CHRD: variants seen among roughly 807,000 people sequenced by gnomAD.
CHRD encodes chordin.
Under a neutral mutation model 113.7 loss-of-function variants are expected in CHRD, and 69 were observed. The ratio of observed to expected loss-of-function variants is 0.61; its 90% CI spans 0.50 to 0.74. The LOEUF (loss-of-function observed/expected upper bound fraction) is 0.74, where lower values mean the gene tolerates loss of function less well. Ranked by LOEUF, CHRD falls within the 30% of genes least tolerant of loss-of-function variation. CHRD has a pLI of 0.00. For synonymous variants in CHRD, 561 were observed against 540.8 expected (o/e 1.04, Z -0.52); for missense variants, 1,194 against 1,295.8 (o/e 0.92, Z 1.21).
chr3:184,384,893 G>A lies in CHRD; in HGVS notation c.1598-125G>A, dbSNP rs145035245. 4.0e-5 allele frequency: 49 copies of A among 1,236,842 alleles called. No individual in the cohort carries two copies. The East Asian group carries it at 1.0e-3, about 26-fold the overall frequency. The allele number at this position is 1,236,842 out of a possible 1,614,324, so 76.6% of individuals were successfully genotyped here. ...GGGTCTAAAACTTGCTGCTCTCCAG[G>A]CCCTGGACCTATGGACAGTGTCTTC... On this transcript the variant is annotated intron_variant, in intron 13 of 22. Transcript: ENST00000204604. This position sits in a 1 kb window ranked among gnomAD's most constrained non-coding sequence, Gnocchi z 4.4.
Position 184,387,121 on chromosome 3 carries a change from G to A in CHRD, c.2347+14G>A. The stretch of plus-strand genomic sequence containing the variant: ...ACCCAGGAGAGGGTGAGCTGGAAGG[G>A]TGCGTGCAGGGTGGGAGGCCCCAGA... On this transcript the variant is annotated intron_variant, in intron 18 of 22. Coordinates refer to ENST00000204604, the Ensembl canonical transcript of CHRD. The surrounding 1 kb of genome is among the most constrained non-coding windows in gnomAD (Gnocchi z 6.1). 1 of 1,613,082 alleles carries A rather than the reference G, an allele frequency of 6.2e-7. No homozygotes were observed. The highest frequency in any genetic ancestry group is 2.2e-5 in the East Asian group (1 of 44,870).
At chr3:184,385,293 G>A (rs1716108873) in intron 14 of CHRD, 55 bp downstream of exon 14, 2 of 1,312,174 alleles carry the variant, frequency 1.5e-6, no homozygotes, top group Non-Finnish European at 2.2e-6. Flanking sequence ...TTAGCTTGAA[G>A]GGCTGTGTGG....
rs1491553658 is a variant in CHRD at position 184,388,386 on chromosome 3, TGC to T, written c.2555-200_2555-199del. On this transcript the variant is annotated intron_variant, in intron 20 of 22. Transcript: ENST00000204604. The surrounding 1 kb of genome is among the most constrained non-coding windows in gnomAD (Gnocchi z 6.1). Reference sequence around the variant, plus strand: ...ATCCATCCACCCATCCACCCATTGATGCATCCATCCATCCATCCATCCATCCA... The same window carrying T: ...ATCCATCCACCCATCCACCCATTGATATCCATCCATCCATCCATCCATCCA... 7.4e-6 allele frequency among the ~76,000 whole-genome samples: 1 copy of T among 134,774 alleles called. No individual in the cohort carries two copies. Among genetic ancestry groups the T allele is most frequent in the Non-Finnish European group, 1.6e-5 (1 of 63,370 alleles). The allele number at this position is 134,774 out of a possible 152,430, so 88.4% of individuals were successfully genotyped here. A position where few individuals can be genotyped will look rare whatever the true frequency, so the allele number is the denominator to read the frequency against.
chr3:184,381,794 G>A lies in CHRD; in HGVS notation c.590G>A (p.Arg197His). Reference sequence around the variant, plus strand: ...GTCTCGCTGCTGCGCTCTAGCCTCCGCTTCTCTATCTCCTACAGGCGGTGA... The same window carrying A: ...GTCTCGCTGCTGCGCTCTAGCCTCCACTTCTCTATCTCCTACAGGCGGTGA... Residue 197 changes from arginine to histidine, a missense_variant, in exon 5 of 23, where the codon CGC becomes CAC. Transcript: ENST00000204604. The surrounding 1 kb of genome is among the most constrained non-coding windows in gnomAD (Gnocchi z 4.7). The A allele has an allele frequency of 6.2e-7, 1 of 1,613,340 alleles. No homozygotes were observed. Among genetic ancestry groups the A allele is most frequent in the African/African-American group, 1.3e-5 (1 of 75,062 alleles).
chr3:184,382,705 C>G (rs368929634), exon 8 of CHRD: 1 of 1,613,978 alleles, frequency 6.2e-7, no homozygotes, highest in Non-Finnish European at 8.5e-7. Context: ...CCTGCTCACT[C>G]TCAGTGACAC....
In CHRD at chr3:184,387,592, G is replaced by C; in HGVS notation, c.2451+115G>C. 1 of 1,006,326 alleles carries C rather than the reference G, an allele frequency of 9.9e-7. No homozygotes were observed. Among genetic ancestry groups the C allele is most frequent in the Non-Finnish European group, 1.4e-6 (1 of 702,866 alleles). The allele number at this position is 1,006,326 out of a possible 1,614,324, so 62.3% of individuals were successfully genotyped here. ...GTGAGGAGGGCTCAAGAATCAAAAC[G>C]ATATGAGAAAAGGCCCTTGCGCTCT... is the stretch of plus-strand genomic sequence containing the variant. On this transcript the variant is annotated intron_variant, in intron 19 of 22. Transcript: ENST00000204604. The surrounding 1 kb of genome is among the most constrained non-coding windows in gnomAD (Gnocchi z 6.1).
rs1280654048 is a variant in CHRD, at chr3:184,384,168, G to A, written c.1441-369G>A. 6.6e-6 allele frequency among the ~76,000 whole-genome samples: 1 copy of A among 152,190 alleles called. No individual in the cohort carries two copies. The highest frequency in any genetic ancestry group is 1.5e-5 in the Non-Finnish European group (1 of 68,022). ...TGCTTAGCAAGCTCACAGTCAAATG[G>A]GAGCATTGGACCTGGAGAACAGTGC... On this transcript the variant is annotated intron_variant, in intron 12 of 22. Transcript: ENST00000204604. This position sits in a 1 kb window ranked among gnomAD's most constrained non-coding sequence, Gnocchi z 4.4.
In CHRD at chr3:184,388,429, A is replaced by ATCCATCCATCCATCCG. The variant is rs1481346086; in HGVS notation, c.2555-155_2555-154insATCCATCCATCCGTCC. Reference sequence around the variant, plus strand: ...CATCCATCCATCCATCCATCCATCCATCCGTCCCTTCATCCATCCATTCAT... The same window carrying ATCCATCCATCCATCCG: ...CATCCATCCATCCATCCATCCATCCATCCATCCATCCATCCGTCCGTCCCTTCATCCATCCATTCAT... On this transcript the variant is annotated intron_variant, in intron 20 of 22. Coordinates refer to ENST00000204604, the Ensembl canonical transcript of CHRD. This position sits in a 1 kb window ranked among gnomAD's most constrained non-coding sequence, Gnocchi z 6.1. Among the ~76,000 whole-genome samples the ATCCATCCATCCATCCG allele has an allele frequency of 6.7e-6, 1 of 149,006 alleles. No homozygotes were observed. The highest frequency in any genetic ancestry group is 2.6e-5 in the African/African-American group (1 of 39,052).
At position 184,388,510 on chromosome 3, in the gene CHRD, G is replaced by A; in HGVS notation, c.2555-77G>A. The A allele has an allele frequency of 6.7e-7, 1 of 1,495,468 alleles. No homozygotes were observed. Among genetic ancestry groups the A allele is most frequent in the Non-Finnish European group, 9.0e-7 (1 of 1,116,100 alleles). 92.6% of individuals were successfully genotyped at this position (1,495,468 alleles called of 1,614,324 possible). Reference sequence around the variant, plus strand: ...TACTAAGTGCCAGAAACTGCAACGTGCTGGGTATTCAAAGAGAATACTCAT... The same window carrying A: ...TACTAAGTGCCAGAAACTGCAACGTACTGGGTATTCAAAGAGAATACTCAT... On this transcript the variant is annotated intron_variant, in intron 20 of 22. Transcript: ENST00000204604. This position sits in a 1 kb window ranked among gnomAD's most constrained non-coding sequence, Gnocchi z 6.1.
chr3:184,381,748 C>G lies in CHRD; in HGVS notation c.544C>G (p.Gln182Glu), dbSNP rs1715465535. The G allele has an allele frequency of 6.2e-7, 1 of 1,613,012 alleles. No individual in the cohort carries two copies. Among genetic ancestry groups the G allele is most frequent in the South Asian group, 1.1e-5 (1 of 91,068 alleles). ...GGCGCTGCTGACAGGGCCGAGGTCG[C>G]AGGCGGTGGCACGAGCCCGAGTCTC... The change falls in exon 5 of 23, where the codon CAG (glutamine) becomes GAG (glutamate). Residue 182 changes from glutamine (Q) to glutamate (E), a missense_variant. Coordinates refer to ENST00000204604, the Ensembl canonical transcript of CHRD. This position sits in a 1 kb window ranked among gnomAD's most constrained non-coding sequence, Gnocchi z 4.7.
rs149507891 is a variant in CHRD at position 184,385,018 on chromosome 3, C to A, written c.1598C>A (p.Thr533Lys). The change falls in exon 14 of 23, where the codon ACG (threonine) becomes AAG (lysine). Residue 533 changes from threonine to lysine, a missense_variant and splice_region_variant. Physicochemically the swap from Thr to Lys is moderately conservative, Grantham distance 78 (BLOSUM62 -1). Transcript: ENST00000204604. ...TCATCTCTCCTCTGTCTGGACCCAG[C>A]GCTGCCCGTGCCCCTAGCAGGAGCC... The A allele has an allele frequency of 1.9e-6, 3 of 1,613,510 alleles. No individual in the cohort carries two copies. The highest frequency in any genetic ancestry group is 2.7e-5 in the African/African-American group (2 of 74,922).
intron 12 of CHRD, 63 bp downstream of exon 12, chr3:184,383,705 G>A (rs781614312): frequency 8.1e-6 from 12 of 1,487,092 alleles, no homozygotes; most frequent in Non-Finnish European, 9.1e-6. Context: ...AAGCCAGGTT[G>A]GATGAGCAGG....
In CHRD at chr3:184,381,940, C is replaced by G. The variant is rs539389142; in HGVS notation, c.619C>G (p.Arg207Gly). Reference sequence around the variant, plus strand: ...CCGACCTCTCATTCCCAGGCTGGACCGCCCTACCAGGATCCGCTTCTCAGA... The same window carrying G: ...CCGACCTCTCATTCCCAGGCTGGACGGCCCTACCAGGATCCGCTTCTCAGA... The change falls in exon 6 of 23, where the codon CGC (arginine) becomes GGC (glycine). Residue 207 changes from arginine (R) to glycine (G), a missense_variant. Transcript: ENST00000204604. This position sits in a 1 kb window ranked among gnomAD's most constrained non-coding sequence, Gnocchi z 4.7. 16 of 1,614,118 alleles carry G rather than the reference C, an allele frequency of 9.9e-6. No homozygotes were observed. The East Asian group carries it at 1.6e-4, about 16-fold the overall frequency.
chr3:184,384,529 GC>G lies in CHRD; in HGVS notation c.1441-3del. ...GAGCTGAGAAGGCCTATCCTCCCCTGCCCCCAGGCCGTGGGTATCTGCCCTG... is the reference window on the plus strand; with the variant it reads ...GAGCTGAGAAGGCCTATCCTCCCCTGCCCCAGGCCGTGGGTATCTGCCCTG... On this transcript the variant is annotated splice_region_variant and splice_polypyrimidine_tract_variant and intron_variant, in intron 12 of 22. Transcript: ENST00000204604. The surrounding 1 kb of genome is among the most constrained non-coding windows in gnomAD (Gnocchi z 4.4). The G allele has an allele frequency of 3.3e-6, 5 of 1,515,366 alleles. No homozygotes were observed. Among genetic ancestry groups the G allele is most frequent in the Admixed American group, 2.2e-5 (1 of 46,270 alleles). 93.9% of individuals were successfully genotyped at this position (1,515,366 alleles called of 1,614,324 possible).
At position 184,381,726 on chromosome 3, in the gene CHRD, G is replaced by C; in HGVS notation, c.522G>C (p.Ala174=). 6.2e-7 allele frequency: 1 copy of C among 1,613,042 alleles called. No individual in the cohort carries two copies. The highest frequency in any genetic ancestry group is 8.5e-7 in the Non-Finnish European group (1 of 1,179,922). ...TTCCTCCCGTCCCAGACTTCGTGGC[G>C]CTGCTGACAGGGCCGAGGTCGCAGG... Residue 174 remains alanine, a synonymous_variant, in exon 5 of 23, where the codon GCG becomes GCC. Coordinates refer to ENST00000204604, the Ensembl canonical transcript of CHRD. The surrounding 1 kb of genome is among the most constrained non-coding windows in gnomAD (Gnocchi z 4.7).
Position 184,386,763 on chromosome 3 carries a change from G to T in CHRD, c.2196+8G>T. 1 of 1,613,278 alleles carries T rather than the reference G, an allele frequency of 6.2e-7. No homozygotes were observed. ...TCACTCTGCACCTGCCAGGTAGGAGGTCCTGGAAGGGCACACTGGGTCCTG... is the reference window on the plus strand; with the variant it reads ...TCACTCTGCACCTGCCAGGTAGGAGTTCCTGGAAGGGCACACTGGGTCCTG... On this transcript the variant is annotated splice_region_variant and intron_variant, in intron 16 of 22. Transcript: ENST00000204604.
chr3:184,386,798 G>T (rs1381341253), intron 16 of CHRD, 43 bp downstream of exon 16: 1 of 1,613,804 alleles, frequency 6.2e-7, no homozygotes, highest in Non-Finnish European at 8.5e-7. Context: ...GGGATCTGGA[G>T]CAAGGGGCCT....
In CHRD at chr3:184,387,067, AGACTTG is replaced by A; in HGVS notation, c.2308_2313del (p.Asp770_Leu771del). On this transcript the variant is annotated inframe_deletion, in exon 18 of 23. Transcript: ENST00000204604. This position sits in a 1 kb window ranked among gnomAD's most constrained non-coding sequence, Gnocchi z 6.1. ...GCTCCACAGAGAAACAAGATGTCAG[AGACTTG>A]CCAGGGCTGCCAAGGAGCCGGGACC... The A allele has an allele frequency of 6.2e-7, 1 of 1,614,080 alleles. No homozygotes were observed. The highest frequency in any genetic ancestry group is 8.5e-7 in the Non-Finnish European group (1 of 1,180,008).
exon 14 of CHRD, chr3:184,385,046 G>T (rs1415338136): frequency 6.2e-7 from 1 of 1,614,088 alleles, no homozygotes; most frequent in Non-Finnish European, 8.5e-7. Context: ...CAGGAGCCCT[G>T]GTGCTACCCC....
Sources: allele counts gnomAD v4.1 joint callset (sites outside exome capture counted in the v4.1 genomes callset), GRCh38; gene constraint gnomAD v4.1.1; non-coding constraint Gnocchi (gnomAD v3.1); transcripts MANE v1.5; gene names NCBI Gene and HGNC (gene_info 2026-07-23, HGNC 2026-07-21).